The following AGBL3 variants were observed in gnomAD, a reference collection of about 807,000 sequenced individuals.
AGBL3 encodes cytosolic carboxypeptidase 3.
A neutral mutation model predicts 94.5 loss-of-function variants in AGBL3; 68 were observed. That is an observed-to-expected ratio of 0.72 (90% CI 0.59 to 0.88). The LOEUF (loss-of-function observed/expected upper bound fraction) is 0.88, where lower values mean the gene tolerates loss of function less well. Ranked by LOEUF, AGBL3 falls within the 40% of genes least tolerant of loss-of-function variation. AGBL3 has a pLI of 0.00. For synonymous variants in AGBL3, 354 were observed against 370.7 expected (o/e 0.95, Z 0.52); for missense variants, 934 against 1,103.8 (o/e 0.85, Z 2.18).
At chr7:134,987,340 A>G (rs1168327406) in intron 1 of AGBL3, among the ~76,000 whole-genome samples, 2 of 152,224 alleles carry the variant, frequency 1.3e-5, no homozygotes, top group Non-Finnish European at 2.9e-5. Context: ...TAGAATGGTA[A>G]TGGTCATTAC....
chr7:135,134,896 C>T lies in AGBL3; in HGVS notation c.2398C>T (p.Pro800Ser), dbSNP rs1236739134. Residue 800 changes from proline (P) to serine (S), a missense_variant, in exon 17 of 17, where the codon CCC (proline) becomes TCC (serine). Around this residue, in one of 3 missense-constraint regions of AGBL3, gnomAD observed 441 missense variants for 518.2 expected, o/e 0.85. Coordinates refer to ENST00000436302, the MANE Select transcript of AGBL3 (RefSeq NM_178563.4). ...GAAATACAGCACATCTTGGACAGCA[C>T]CCAGAAATCACCCTTTTGTAATCCA... ...IKKYSTSWTA[P>S]RNHPFVIQGD... is the part of the protein sequence containing the mutation. 4.5e-6 allele frequency: 7 copies of T among 1,551,112 alleles called. No homozygotes were observed. Among genetic ancestry groups the T allele is most frequent in the East Asian group, 2.4e-5 (1 of 40,900 alleles).
Position 135,034,164 on chromosome 7 carries a change from C to T in AGBL3, c.573C>T (p.Tyr191=). 9 of 1,547,652 alleles carry T rather than the reference C, an allele frequency of 5.8e-6. No individual in the cohort carries two copies. The highest frequency in any genetic ancestry group is 7.9e-6 in the Non-Finnish European group (9 of 1,144,768). ...TGTGTATTAGGGCAGAATACGAATA[C>T]CAATTGACTGTACGCCCTGACCTCT... ...QKVVKVAEYE[Y]QLTVRPDLFT... The change falls in exon 7 of 17, where the codon TAC becomes TAT. Residue 191 remains tyrosine, a synonymous_variant. Coordinates refer to ENST00000436302, the MANE Select transcript of AGBL3 (RefSeq NM_178563.4).
At chr7:135,052,226 G>A (rs1432241203) in intron 11 of AGBL3, among the ~76,000 whole-genome samples, 5 of 151,868 alleles carry the variant, frequency 3.3e-5, no homozygotes, top group East Asian at 3.9e-4. Flanking sequence ...TACCTTATAC[G>A]AAAGGTAGCA....
At chr7:135,049,817 A>G (rs1171851048) in intron 11 of AGBL3, among the ~76,000 whole-genome samples, 1 of 151,504 alleles carries the variant, frequency 6.6e-6, no homozygotes, top group Non-Finnish European at 1.5e-5. Context: ...TAATTAGTTT[A>G]GCTAAGAGTT....
chr7:135,010,038 TAAGATGGAG>T, intron 4 of AGBL3: 1 of 427,990 alleles, frequency 2.3e-6, no homozygotes, highest in Non-Finnish European at 4.6e-6. Flanking sequence ...TTTTTTTTTT[TAAGATGGAG>T]TCTCATGCTG....
intron 13 of AGBL3, 125 bp downstream of exon 13, chr7:135,076,593 T>G: frequency 1.5e-6 from 1 of 673,712 alleles, no homozygotes; most frequent in Non-Finnish European, 2.5e-6. Context: ...TTTGTTCATA[T>G]TATCTACTGT....
At position 134,987,985 on chromosome 7, in the gene AGBL3, G is replaced by T; in HGVS notation, c.52G>T (p.Glu18Ter). 3 of 1,543,768 alleles carry T rather than the reference G, an allele frequency of 1.9e-6. No homozygotes were observed. The highest frequency in any genetic ancestry group is 1.2e-5 in the South Asian group (1 of 82,144). ...CTATTCAGACAGAACAATCAGTGATGAAGATGAATCGGTATGTTTTTCTCA... is the reference window on the plus strand; with the variant it reads ...CTATTCAGACAGAACAATCAGTGATTAAGATGAATCGGTATGTTTTTCTCA... ...EDYSDRTISD[E>*]DESDEDMFMK... Residue 18 changes from glutamate (E) to a stop codon, truncating the protein, a stop_gained, in exon 2 of 17, where the codon GAA becomes TAA. Coordinates refer to ENST00000436302, the MANE Select transcript of AGBL3 (RefSeq NM_178563.4). LOFTEE classifies it high-confidence loss of function.
intron 11 of AGBL3, among the ~76,000 whole-genome samples, chr7:135,047,386 A>C (rs548658691): frequency 2.0e-5 from 3 of 152,200 alleles, no homozygotes; most frequent in Admixed American, 6.6e-5. Context: ...TCTTTTGGAT[A>C]AATACCCAGA....
intron 4 of AGBL3, among the ~76,000 whole-genome samples, chr7:134,998,727 G>A (rs965740407): frequency 4.6e-5 from 7 of 152,282 alleles, no homozygotes; most frequent in South Asian, 2.1e-4. Flanking sequence ...AGTCCACCCC[G>A]TTAGGCCCAT....
chr7:135,068,456 A>C (rs1193748442), intron 12 of AGBL3, among the ~76,000 whole-genome samples: 3 of 152,198 alleles, frequency 2.0e-5, no homozygotes, highest in African/African-American at 7.2e-5. Flanking sequence ...AGTTGAAAAG[A>C]AGGAAAAAAT....
chr7:135,012,744 A>G (rs1229701550), intron 4 of AGBL3, among the ~76,000 whole-genome samples: 1 of 152,154 alleles, frequency 6.6e-6, no homozygotes, highest in African/African-American at 2.4e-5. Context: ...ACATGTAGAA[A>G]AAAAAATCCT....
intron 4 of AGBL3, among the ~76,000 whole-genome samples, chr7:135,006,299 G>A (rs778728637): frequency 6.6e-6 from 1 of 151,792 alleles, no homozygotes; most frequent in African/African-American, 2.4e-5. Context: ...TATATTGCAT[G>A]GCTACTCCTG....
At chr7:135,018,100 CAG>C in intron 5 of AGBL3, among the ~76,000 whole-genome samples, 1 of 152,154 alleles carries the variant, frequency 6.6e-6, no homozygotes, top group Middle Eastern at 3.4e-3. Flanking sequence ...AAAGGGTAGA[CAG>C]AGTTAATTGA....
At chr7:135,102,025 C>T (rs1211814779) in intron 15 of AGBL3, among the ~76,000 whole-genome samples, 2 of 152,174 alleles carry the variant, frequency 1.3e-5, no homozygotes, top group Middle Eastern at 3.2e-3. Flanking sequence ...TGCCTTCCAC[C>T]ATGATCGTGA....
intron 3 of AGBL3, among the ~76,000 whole-genome samples, chr7:134,993,122 T>C (rs939019692): frequency 2.6e-5 from 4 of 152,318 alleles, no homozygotes; most frequent in Admixed American, 6.5e-5. Context: ...GAGAATACAG[T>C]TCCAGGAAGT....
Position 135,135,415 on chromosome 7 carries a change from C to A in AGBL3, c.*154C>A. On this transcript the variant is annotated 3_prime_UTR_variant, in exon 17 of 17. Transcript: ENST00000436302. ...CTAAAAATTTTAGATATCCCATCTT[C>A]TGTAGTGGGAACATCTTTCAGAGAT... is the stretch of plus-strand genomic sequence containing the variant. The A allele has an allele frequency of 2.1e-6, 1 of 473,888 alleles. No individual in the cohort carries two copies. Among genetic ancestry groups the A allele is most frequent in the Non-Finnish European group, 3.5e-6 (1 of 286,068 alleles). The allele number at this position is 473,888 out of a possible 1,614,324, so 29.4% of individuals were successfully genotyped here. A position where few individuals can be genotyped will look rare whatever the true frequency, so the allele number is the denominator to read the frequency against.
chr7:134,991,203 G>GA (rs1301583293), intron 3 of AGBL3, among the ~76,000 whole-genome samples: 1 of 107,274 alleles, frequency 9.3e-6, no homozygotes, highest in African/African-American at 4.3e-5. Context: ...TGTGTGGGTG[G>GA]GGGGGGGGTT....
chr7:135,110,100 C>T (rs984744047), intron 15 of AGBL3, among the ~76,000 whole-genome samples: 27 of 152,146 alleles, frequency 1.8e-4, no homozygotes, highest in Admixed American at 1.6e-3. Context: ...GTTCACCCTC[C>T]CTCTGGGAGC....
chr7:135,007,527 A>G (rs1812545911), intron 4 of AGBL3, among the ~76,000 whole-genome samples: 1 of 151,998 alleles, frequency 6.6e-6, no homozygotes, highest in African/African-American at 2.4e-5. Context: ...GAGAAAGGAA[A>G]GGCGTCTATG....
Sources: gnomAD v4.1 joint callset for allele counts (sites outside exome capture counted in the v4.1 genomes callset) on GRCh38, gnomAD v4.1.1 for gene constraint, gnomAD v4.1.1 regional missense constraint, MANE v1.5 for transcripts, NCBI Gene and HGNC (gene_info 2026-07-23, HGNC 2026-07-21) for gene names.